The following PLRG1 variants were observed in gnomAD, a reference collection of about 807,000 sequenced individuals.
PLRG1 encodes pleiotropic regulator 1 (PRL1 homolog, Arabidopsis).
PLRG1 carries 28 observed loss-of-function variants against 74.9 expected under a neutral mutation model. That is an observed-to-expected ratio of 0.37 (90% CI 0.28 to 0.51). PLRG1 has a LOEUF of 0.51. Ranked by LOEUF, PLRG1 falls within the 20% of genes least tolerant of loss-of-function variation. PLRG1 has a pLI of 0.91. For synonymous variants in PLRG1, 197 were observed against 212.4 expected (o/e 0.93, Z 0.63); for missense variants, 445 against 631.9 (o/e 0.70, Z 3.17).
chr4:154,550,236 C>A, intron 1 of PLRG1, 64 bp downstream of exon 1: 1 of 1,416,530 alleles, frequency 7.1e-7, no homozygotes, highest in Non-Finnish European at 1.0e-6. Context: ...CAATCCCCCA[C>A]GCGCACTGCC....
intron 1 of PLRG1, chr4:154,549,898 G>T: frequency 2.4e-6 from 1 of 409,392 alleles, no homozygotes; most frequent in Non-Finnish European, 4.7e-6. Context: ...TTTTTCTGGG[G>T]GTAGAGGTGA....
Position 154,545,910 on chromosome 4 carries a change from G to A in PLRG1, c.418C>T (p.Arg140Cys), listed in dbSNP as rs146058429. The A allele has an allele frequency of 2.5e-5, 41 of 1,608,060 alleles. No homozygotes were observed. Among genetic ancestry groups the A allele is most frequent in the Non-Finnish European group, 3.2e-5 (38 of 1,175,050 alleles). Reference sequence around the variant, plus strand: ...TATTCACTTCCACTAGGGGCAGTACGATTTGCATCAGCCCTGGGGCAAAAG... The same window carrying A: ...TATTCACTTCCACTAGGGGCAGTACAATTTGCATCAGCCCTGGGGCAAAAG... Reference protein sequence around the residue: ...LPLQTKADANRTAPSGSEYRH... With the variant: ...LPLQTKADANCTAPSGSEYRH... The change falls in exon 6 of 15, where the codon CGT becomes TGT. Residue 140 changes from arginine (R) to cysteine (C), a missense_variant. This residue lies in a region of PLRG1 where 206 missense variants were observed against 210.8 expected (regional missense o/e 0.98). Transcript: ENST00000499023.
At chr4:154,541,394 C>G (rs1396856051) in intron 8 of PLRG1, among the ~76,000 whole-genome samples, 1 of 152,162 alleles carries the variant, frequency 6.6e-6, no homozygotes, top group Non-Finnish European at 1.5e-5. Flanking sequence ...AAAGGATCCT[C>G]TCATACACTG....
At position 154,540,882 on chromosome 4, in the gene PLRG1, C is replaced by T. The variant is rs762817571; in HGVS notation, c.740G>A (p.Ser247Asn). 1 of 1,612,426 alleles carries T rather than the reference C, an allele frequency of 6.2e-7. No homozygotes were observed. The highest frequency in any genetic ancestry group is 8.5e-7 in the Non-Finnish European group (1 of 1,178,818). Residue 247 changes from serine (S) to asparagine (N), a missense_variant, in exon 9 of 15, where the codon AGT (serine) becomes AAT (asparagine). Coordinates refer to ENST00000499023, the MANE Select transcript of PLRG1 (RefSeq NM_002669.4). Reference protein sequence around the residue: ...KLKLSLTGHISTVRGVIVSTR... With the variant: ...KLKLSLTGHINTVRGVIVSTR... ...GCTTACTATCACGCCCCGCACAGTA[C>T]TAATATGCCCAGTCAATGACAGTTT...
Position 154,536,145 on chromosome 4 carries a change from A to G in PLRG1, c.*540T>C, listed in dbSNP as rs1045667930. 1 of 153,018 alleles carries G rather than the reference A, an allele frequency of 6.5e-6. No individual in the cohort carries two copies. The highest frequency in any genetic ancestry group is 2.4e-5 in the African/African-American group (1 of 41,440). 9.5% of individuals were successfully genotyped at this position (153,018 alleles called of 1,614,324 possible). A position where few individuals can be genotyped will look rare whatever the true frequency, so the allele number is the denominator to read the frequency against. ...ACAGAATTTCTATACTAAGCTACCA[A>G]ACTGGAAGTCTTAGAGGATAGACAC... On this transcript the variant is annotated 3_prime_UTR_variant, in exon 15 of 15. Transcript: ENST00000499023.
Position 154,546,182 on chromosome 4 carries a change from C to G in PLRG1, c.345G>C (p.Gln115His). ...GTGCAGCTGATTCACTTGGCATTCT[C>G]TGGATCTTAGTATCTGCTGTCAAAG... Reference protein sequence around the residue: ...GVALTADTKIQRMPSESAAQS... With the variant: ...GVALTADTKIHRMPSESAAQS... Residue 115 changes from glutamine to histidine, a missense_variant, in exon 5 of 15, where the codon CAG becomes CAC. Around this residue, in one of 3 missense-constraint regions of PLRG1, gnomAD observed 206 missense variants for 210.8 expected, o/e 0.98. Coordinates refer to ENST00000499023, the MANE Select transcript of PLRG1 (RefSeq NM_002669.4). The G allele has an allele frequency of 6.2e-7, 1 of 1,609,528 alleles. No individual in the cohort carries two copies. The highest frequency in any genetic ancestry group is 1.3e-5 in the African/African-American group (1 of 74,940).
intron 3 of PLRG1, 58 bp downstream of exon 3, chr4:154,547,653 T>C: frequency 6.6e-7 from 1 of 1,514,340 alleles, no homozygotes; most frequent in Non-Finnish European, 9.1e-7. Flanking sequence ...ACATATTTTA[T>C]TTTTCTGTTT....
rs1289250530 is a variant in PLRG1 at position 154,539,220 on chromosome 4, T to C, written c.1043-7A>G. 8.1e-6 allele frequency: 12 copies of C among 1,478,136 alleles called. No homozygotes were observed. Among genetic ancestry groups the C allele is most frequent in the South Asian group, 2.3e-5 (2 of 88,302 alleles). 91.6% of individuals were successfully genotyped at this position (1,478,136 alleles called of 1,614,324 possible). On this transcript the variant is annotated splice_region_variant and splice_polypyrimidine_tract_variant and intron_variant, in intron 11 of 14. Coordinates refer to ENST00000499023, the MANE Select transcript of PLRG1 (RefSeq NM_002669.4). ...ATTGTAGTATCATGGCTTCCTGTAA[T>C]GGAAACACATATATCCCTCAAAACA... is the stretch of plus-strand genomic sequence containing the variant.
rs1729612292 is a variant in PLRG1 at position 154,544,480 on chromosome 4, T to G, written c.559A>C (p.Lys187Gln). ...TTCCACGGTGGGTGCCACTGGGGTT[T>G]TGGCATTGTAGGGGCTTTTTTAGCC... Reference protein sequence around the residue: ...LMAKKAPTMPKPQWHPPWKLY... With the variant: ...LMAKKAPTMPQPQWHPPWKLY... The change falls in exon 7 of 15, where the codon AAA becomes CAA. Residue 187 changes from lysine (K) to glutamine (Q), a missense_variant. Lys to Gln is a moderately conservative substitution (Grantham distance 53). Coordinates refer to ENST00000499023, the MANE Select transcript of PLRG1 (RefSeq NM_002669.4). The G allele has an allele frequency of 6.2e-7, 1 of 1,611,630 alleles. No homozygotes were observed. Among genetic ancestry groups the G allele is most frequent in the Admixed American group, 1.7e-5 (1 of 59,968 alleles).
chr4:154,538,190 A>G (rs1165407629), intron 12 of PLRG1, 82 bp from the exon 13 acceptor site: 17 of 674,074 alleles, frequency 2.5e-5, no homozygotes, highest in Non-Finnish European at 4.1e-5. Flanking sequence ...TATTTCAGTT[A>G]TATTTTGCAG....
intron 1 of PLRG1, 21 bp downstream of exon 1, chr4:154,550,279 A>G (rs1729740056): frequency 1.2e-6 from 2 of 1,610,034 alleles, no homozygotes; most frequent in Non-Finnish European, 1.7e-6. Flanking sequence ...ACGACTCTTG[A>G]GAGCCCCAGT....
At chr4:154,548,678 A>G (rs1729702262) in intron 2 of PLRG1, 151 bp downstream of exon 2, 2 of 551,876 alleles carry the variant, frequency 3.6e-6, no homozygotes, top group Non-Finnish European at 6.5e-6. Flanking sequence ...AAAAAAAGTT[A>G]AATCAGCTTA....
intron 3 of PLRG1, 91 bp from the exon 4 acceptor site, chr4:154,547,155 C>T: frequency 1.1e-6 from 1 of 925,244 alleles, no homozygotes; most frequent in Admixed American, 1.9e-5. Flanking sequence ...ATTAAGTTTT[C>T]AACTGGATCT....
intron 10 of PLRG1, 75 bp downstream of exon 10, chr4:154,540,519 A>C: frequency 1.1e-6 from 1 of 901,956 alleles, no homozygotes; most frequent in Non-Finnish European, 1.9e-6. Context: ...AATCAATTGA[A>C]GACACTGAAA....
intron 8 of PLRG1, 40 bp downstream of exon 8, chr4:154,542,147 A>C (rs918058456): frequency 1.6e-6 from 2 of 1,230,618 alleles, no homozygotes. Context: ...TTACATGACA[A>C]ACACAAAGTC....
chr4:154,539,781 T>C (rs976798120), intron 11 of PLRG1, among the ~76,000 whole-genome samples, 170 bp downstream of exon 11: 1 of 152,084 alleles, frequency 6.6e-6, no homozygotes, highest in African/African-American at 2.4e-5. Flanking sequence ...GTAAAAACAG[T>C]GGAATGAAAT....
chr4:154,549,595 G>T, intron 1 of PLRG1: 1 of 440,972 alleles, frequency 2.3e-6, no homozygotes, highest in South Asian at 1.6e-5. Context: ...TATTACAACA[G>T]CCTATATTTT....
At chr4:154,547,879 A>G in intron 2 of PLRG1, 26 bp from the exon 3 acceptor site, 2 of 1,552,048 alleles carry the variant, frequency 1.3e-6, no homozygotes, top group Non-Finnish European at 1.8e-6. Flanking sequence ...AAACATAAGA[A>G]CGTATCCATA....
At position 154,546,125 on chromosome 4, in the gene PLRG1, G is replaced by A; in HGVS notation, c.402C>T (p.Thr134=). 6.5e-7 allele frequency: 1 copy of A among 1,529,700 alleles called. No individual in the cohort carries two copies. The highest frequency in any genetic ancestry group is 9.0e-7 in the Non-Finnish European group (1 of 1,107,122). 94.8% of individuals were successfully genotyped at this position (1,529,700 alleles called of 1,614,324 possible). ...QSLAVALPLQ[T]KADANRTAPS... is the part of the protein sequence containing the mutation. ...TTTGTAATTATAATATTTCATACTT[G>A]GTCTGCAAAGGTAATGCCACCGCTA... The change falls in exon 5 of 15, where the codon ACC becomes ACT. Residue 134 remains threonine, a splice_region_variant and synonymous_variant. Coordinates refer to ENST00000499023, the MANE Select transcript of PLRG1 (RefSeq NM_002669.4).
Sources: allele counts gnomAD v4.1 joint callset (sites outside exome capture counted in the v4.1 genomes callset), GRCh38; gene constraint gnomAD v4.1.1; regional missense constraint gnomAD v4.1.1; transcripts MANE v1.5; gene names NCBI Gene and HGNC (gene_info 2026-07-23, HGNC 2026-07-21).